Variants in SEMA5A observed in about 807,000 individuals in gnomAD.
SEMA5A encodes the protein semaphorin 5A.
A neutral mutation model predicts 135.5 loss-of-function variants in SEMA5A; 55 were observed. The observed-to-expected ratio is 0.41, with a 90% confidence interval of 0.33 to 0.51. SEMA5A has a LOEUF of 0.51. SEMA5A is among the 20% of genes least tolerant of loss of function. The probability of loss-of-function intolerance (pLI) is 0.37; values close to 1 mark genes in which losing one functional copy is unlikely to be tolerated. For synonymous variants in SEMA5A, 580 were observed against 546.5 expected, an observed-to-expected ratio of 1.06 and a Z score of -0.85; for missense variants, 1,290 against 1,419.9, an observed-to-expected ratio of 0.91 and a Z score of 1.47.
chr5:9,467,305 G>A (rs927008732), intron 1 of SEMA5A, among the ~76,000 whole-genome samples: 2 of 152,006 alleles, frequency 1.3e-5, no homozygotes, highest in Non-Finnish European at 2.9e-5. Flanking sequence ...TAGGGAACGG[G>A]GTTTCACCAT....
At chr5:9,317,308 T>TATCTCTTTTTAG (rs1428795673) in intron 5 of SEMA5A, among the ~76,000 whole-genome samples, 1 of 152,180 alleles carries the variant, frequency 6.6e-6, no homozygotes, top group Non-Finnish European at 1.5e-5. Context: ...TGCAATGTTT[T>TATCTCTTTTTAG]ATCTCTTTTG....
chr5:9,035,430 G>A lies in SEMA5A; in HGVS notation c.*7467C>T, dbSNP rs568825422. ...GGTGTGAGTTGCCTTCCATTGATTG[G>A]TTAGGTGACCTCCGCCCACCCCTGC... On this transcript the variant is annotated 3_prime_UTR_variant, in exon 23 of 23. Transcript: ENST00000382496. 2.0e-5 allele frequency: 3 copies of A among 152,118 alleles called. No homozygotes were observed. Among genetic ancestry groups the A allele is most frequent in the South Asian group, 2.1e-4 (1 of 4,822 alleles). The allele number at this position is 152,118 out of a possible 1,614,324, so 9.4% of individuals were successfully genotyped here.
At chr5:9,528,704 G>A (rs976485652) in intron 1 of SEMA5A, among the ~76,000 whole-genome samples, 2 of 152,204 alleles carry the variant, frequency 1.3e-5, no homozygotes, top group African/African-American at 4.8e-5. Context: ...ACTCAGCTGA[G>A]CCCAGTCCAC....
chr5:9,067,941 A>T (rs1210361121), intron 16 of SEMA5A, among the ~76,000 whole-genome samples: 1 of 151,996 alleles, frequency 6.6e-6, no homozygotes, highest in Non-Finnish European at 1.5e-5. Flanking sequence ...CTACATTTTA[A>T]ATTTCCAAAA....
At chr5:9,363,030 G>C (rs1240258308) in intron 3 of SEMA5A, among the ~76,000 whole-genome samples, 1 of 152,102 alleles carries the variant, frequency 6.6e-6, no homozygotes, top group Non-Finnish European at 1.5e-5. Context: ...TCTTTGAATA[G>C]GGTCAGGAAA....
chr5:9,526,201 A>G (rs1266553495), intron 1 of SEMA5A, among the ~76,000 whole-genome samples: 5 of 152,228 alleles, frequency 3.3e-5, no homozygotes, highest in Non-Finnish European at 5.9e-5. Context: ...TGAAAGGTAG[A>G]GAAGAATTTG....
intron 3 of SEMA5A, among the ~76,000 whole-genome samples, chr5:9,364,544 G>A (rs1156541732): frequency 6.6e-6 from 1 of 152,136 alleles, no homozygotes; most frequent in African/African-American, 2.4e-5. Context: ...AAAAGCTTAA[G>A]AGGTTTCAAA....
chr5:9,533,457 C>T (rs1737571688), intron 1 of SEMA5A, among the ~76,000 whole-genome samples: 1 of 152,082 alleles, frequency 6.6e-6, no homozygotes, highest in South Asian at 2.1e-4. Flanking sequence ...GTCTTTTCTC[C>T]AAGTATGAAC....
At chr5:9,450,252 G>A (rs1166217496) in intron 1 of SEMA5A, among the ~76,000 whole-genome samples, 5 of 152,108 alleles carry the variant, frequency 3.3e-5, no homozygotes, top group African/African-American at 4.8e-5. Flanking sequence ...AGGCCAACCC[G>A]GTGGCCAATA....
intron 16 of SEMA5A, among the ~76,000 whole-genome samples, chr5:9,076,161 C>T (rs144966221): frequency 0.1 from 14,741 of 145,738 alleles, 879 homozygotes; most frequent in African/African-American, 0.15. Context: ...GCCGAGATCG[C>T]ACCACTGCAC....
At chr5:9,502,888 G>T (rs759585362) in intron 1 of SEMA5A, among the ~76,000 whole-genome samples, 4 of 152,196 alleles carry the variant, frequency 2.6e-5, no homozygotes, top group African/African-American at 4.8e-5. Flanking sequence ...AGTGTCAGGG[G>T]TCAACAGATT....
rs181288335 is a variant in SEMA5A at position 9,220,566 on chromosome 5, T to A, written c.646+4108A>T. ...ACTAAGAAAAAAACAACAAAAAAAA[T>A]TTGGTATAGATGGGAATCCAAGAAA... On this transcript the variant is annotated intron_variant, in intron 8 of 22. Transcript: ENST00000382496. 8.0e-3 allele frequency among the ~76,000 whole-genome samples: 1,218 copies of A among 151,678 alleles called. 13 individuals are homozygous for A. The highest frequency in any genetic ancestry group is 0.028 in the African/African-American group (1,160 of 41,286).
At chr5:9,162,204 C>A (rs1224967243) in intron 11 of SEMA5A, among the ~76,000 whole-genome samples, 3 of 151,938 alleles carry the variant, frequency 2.0e-5, no homozygotes, top group Admixed American at 1.3e-4. Context: ...TATGAATAAC[C>A]CTGACTGACC....
At chr5:9,463,299 G>A (rs1051162874) in intron 1 of SEMA5A, among the ~76,000 whole-genome samples, 1 of 151,998 alleles carries the variant, frequency 6.6e-6, no homozygotes, top group Non-Finnish European at 1.5e-5. Context: ...GTGATAAACT[G>A]CATTTGACAG....
intron 11 of SEMA5A, among the ~76,000 whole-genome samples, chr5:9,168,538 G>A (rs1743739094): frequency 6.6e-6 from 1 of 152,184 alleles, no homozygotes; most frequent in Non-Finnish European, 1.5e-5. Context: ...TGAGGGGGAG[G>A]AGGATGCCAC....
intron 1 of SEMA5A, among the ~76,000 whole-genome samples, chr5:9,449,665 C>A (rs1044200426): frequency 2.0e-5 from 3 of 151,980 alleles, no homozygotes; most frequent in Admixed American, 2.0e-4. Flanking sequence ...GGGGCATATC[C>A]CTAAAGTTAG....
chr5:9,337,812 T>G lies in SEMA5A; in HGVS notation c.125A>C (p.Glu42Ala). 1 of 1,583,802 alleles carries G rather than the reference T, an allele frequency of 6.3e-7. No homozygotes were observed. Among genetic ancestry groups the G allele is most frequent in the Non-Finnish European group, 8.6e-7 (1 of 1,160,430 alleles). ...RTEHPVISYK[E>A]IGPWLREFRA... ...GAACTCCCGTAACCAGGGGCCAATTTCTAAATAGAAAAAATAAATAAATAA... is the reference window on the plus strand; with the variant it reads ...GAACTCCCGTAACCAGGGGCCAATTGCTAAATAGAAAAAATAAATAAATAA... Residue 42 changes from glutamate to alanine, a missense_variant and splice_region_variant, in exon 4 of 23, where the codon GAA becomes GCA. Physicochemically the swap from Glu to Ala is moderately radical, Grantham distance 107. This residue lies in a region of SEMA5A where 116 missense variants were observed against 121.3 expected (regional missense o/e 0.96). Transcript: ENST00000382496.
chr5:9,089,010 T>A (rs916794701), intron 16 of SEMA5A, among the ~76,000 whole-genome samples: 15 of 152,126 alleles, frequency 9.9e-5, no homozygotes, highest in African/African-American at 2.2e-4. Flanking sequence ...TCTCCTAAAT[T>A]TACCTGAAAA....
rs777278438 is a variant in SEMA5A, at chr5:9,062,939, A to G, written c.2466T>C (p.Pro822=). 12 of 1,614,122 alleles carry G rather than the reference A, an allele frequency of 7.4e-6. No individual in the cohort carries two copies. The Admixed American group carries it at 2.0e-4, about 27-fold the overall frequency. ...NNPEPKYGGM[P]CLGPSLEYQE... is the part of the protein sequence containing the mutation. ...GGTATTCCAGAGATGGGCCAAGGCA[A>G]GGCATTCCCCCATACTTGGGTTCGG... Residue 822 remains proline (P), a synonymous_variant, in exon 18 of 23, where the codon CCT becomes CCC. Transcript: ENST00000382496.
Sources: gnomAD v4.1 joint callset for allele counts (sites outside exome capture counted in the v4.1 genomes callset) on GRCh38, gnomAD v4.1.1 for gene constraint, gnomAD v4.1.1 regional missense constraint, MANE v1.5 for transcripts, NCBI Gene and HGNC (gene_info 2026-07-23, HGNC 2026-07-21) for gene names.